DCLK1: variants seen among roughly 807,000 people sequenced by gnomAD.
DCLK1 encodes the protein serine/threonine-protein kinase DCLK1.
In DCLK1, 16 loss-of-function variants were observed where a neutral mutation model predicts 86.2. That is an observed-to-expected ratio of 0.19 (90% CI 0.13 to 0.28). The LOEUF (loss-of-function observed/expected upper bound fraction) is 0.28, where lower values mean the gene tolerates loss of function less well. Ranked by LOEUF, DCLK1 falls within the 10% of genes least tolerant of loss-of-function variation. The pLI, the probability that DCLK1 is intolerant of heterozygous loss-of-function variation, is 1.00. For synonymous variants in DCLK1, 369 were observed against 370.5 expected (o/e 1.00, Z 0.05); for missense variants, 590 against 940.2 (o/e 0.63, Z 4.87).
intron 3 of DCLK1, among the ~76,000 whole-genome samples, chr13:35,953,197 T>C (rs1343189): frequency 0.64 from 97,347 of 152,022 alleles, 31,547 homozygotes; most frequent in Admixed American, 0.68. Context: ...AATAATTTAT[T>C]GGTATTAGTA....
chr13:35,834,997 C>T (rs911351671), intron 8 of DCLK1, among the ~76,000 whole-genome samples: 4 of 152,280 alleles, frequency 2.6e-5, no homozygotes, highest in Admixed American at 6.5e-5. Flanking sequence ...ATGAAGAACC[C>T]TCATGAGATG....
intron 3 of DCLK1, among the ~76,000 whole-genome samples, chr13:36,007,610 T>C (rs1881037991): frequency 6.6e-6 from 1 of 152,178 alleles, no homozygotes; most frequent in Admixed American, 6.5e-5. Context: ...CGGAAGATAT[T>C]CTATATTGTA....
intron 3 of DCLK1, among the ~76,000 whole-genome samples, chr13:36,064,615 C>T (rs1238247348): frequency 8.6e-5 from 13 of 150,536 alleles, no homozygotes; most frequent in South Asian, 2.1e-4. Context: ...GCTGAGATAG[C>T]GCCACTGCAC....
chr13:36,052,613 G>A (rs1052851215), intron 3 of DCLK1, among the ~76,000 whole-genome samples: 4 of 152,086 alleles, frequency 2.6e-5, no homozygotes, highest in African/African-American at 9.7e-5. Context: ...CTCTTAGAAA[G>A]ACAGACTTGT....
At chr13:35,984,094 A>G (rs1182259198) in intron 3 of DCLK1, among the ~76,000 whole-genome samples, 1 of 152,226 alleles carries the variant, frequency 6.6e-6, no homozygotes, top group East Asian at 1.9e-4. Flanking sequence ...TAGGTTGTCA[A>G]TAAGTGCTCA....
chr13:35,987,057 C>T (rs1879952664), intron 3 of DCLK1, among the ~76,000 whole-genome samples: 1 of 152,114 alleles, frequency 6.6e-6, no homozygotes, highest in Non-Finnish European at 1.5e-5. Flanking sequence ...AAATTACCTC[C>T]CCTTCCTGTT....
At position 35,832,571 on chromosome 13, in the gene DCLK1, C is replaced by T. The variant is rs78247613; in HGVS notation, c.1229+3462G>A. Among the ~76,000 whole-genome samples, 241 of 152,250 alleles carry T rather than the reference C, an allele frequency of 1.6e-3. 2 individuals carry two copies. Among genetic ancestry groups the T allele is most frequent in the Middle Eastern group, 3.4e-3 (1 of 292 alleles). ...CAGCATAAGCCTGAACTAGGAGGTG[C>T]TCTGCATATATTGTGGAAACTCCAG... On this transcript the variant is annotated intron_variant, in intron 8 of 16. Transcript: ENST00000360631.
intron 3 of DCLK1, among the ~76,000 whole-genome samples, chr13:35,959,880 TGTGTG>T: frequency 6.6e-6 from 1 of 151,614 alleles, no homozygotes; most frequent in South Asian, 2.1e-4. Flanking sequence ...TGTGTGTGTG[TGTGTG>T]TGTGTGTGCA....
At chr13:35,827,553 G>C in intron 10 of DCLK1, 82 bp downstream of exon 10, 1 of 1,521,788 alleles carries the variant, frequency 6.6e-7, no homozygotes, top group East Asian at 2.3e-5. Context: ...ATACTGATGG[G>C]AGAAAATAAG....
intron 16 of DCLK1, among the ~76,000 whole-genome samples, chr13:35,779,816 G>T (rs1218002482): frequency 6.6e-6 from 1 of 152,078 alleles, no homozygotes; most frequent in Non-Finnish European, 1.5e-5. Context: ...AAATTAACTT[G>T]ACTCTAAAAT....
intron 3 of DCLK1, among the ~76,000 whole-genome samples, chr13:36,082,335 C>CT (rs1357242264): frequency 1.3e-5 from 2 of 152,056 alleles, no homozygotes; most frequent in Non-Finnish European, 2.9e-5. Context: ...CCCTAGCTTA[C>CT]TTTATTATAA....
chr13:36,064,822 G>A (rs1593858569), intron 3 of DCLK1, among the ~76,000 whole-genome samples: 1 of 151,394 alleles, frequency 6.6e-6, no homozygotes, highest in Admixed American at 6.6e-5. Context: ...CTATAATAAG[G>A]GTACCTATCT....
At chr13:35,970,231 T>C (rs1879000765) in intron 3 of DCLK1, among the ~76,000 whole-genome samples, 1 of 152,184 alleles carries the variant, frequency 6.6e-6, no homozygotes, top group Admixed American at 6.5e-5. Flanking sequence ...CATTCGTGGC[T>C]CCATCCAGAA....
chr13:36,102,163 A>T (rs1885241368), intron 3 of DCLK1, among the ~76,000 whole-genome samples: 1 of 150,480 alleles, frequency 6.6e-6, no homozygotes, highest in Non-Finnish European at 1.5e-5. Context: ...CTGAAAAGGC[A>T]TCAGAAGGAA....
intron 2 of DCLK1, 44 bp downstream of exon 2, chr13:36,125,718 C>A (rs1471189311): frequency 6.4e-7 from 1 of 1,570,442 alleles, no homozygotes; most frequent in Non-Finnish European, 8.6e-7. Context: ...AAATCTGAGC[C>A]TGGAACCTGT....
chr13:35,897,475 T>C (rs1201318020), intron 4 of DCLK1, among the ~76,000 whole-genome samples: 1 of 152,034 alleles, frequency 6.6e-6, no homozygotes, highest in Non-Finnish European at 1.5e-5. Context: ...AGCCAAGGGG[T>C]GAAGAAACCA....
At chr13:35,938,987 C>T (rs1458955137) in intron 4 of DCLK1, among the ~76,000 whole-genome samples, 1 of 152,160 alleles carries the variant, frequency 6.6e-6, no homozygotes, top group Non-Finnish European at 1.5e-5. Context: ...AAGGAACTAG[C>T]TGGAGCTTGA....
At chr13:35,885,973 A>G (rs1397027107) in intron 4 of DCLK1, among the ~76,000 whole-genome samples, 2 of 151,446 alleles carry the variant, frequency 1.3e-5, no homozygotes, top group African/African-American at 2.4e-5. Context: ...CTTAGACAGC[A>G]GGGAAAGCTG....
intron 4 of DCLK1, among the ~76,000 whole-genome samples, chr13:35,886,713 G>T (rs1245579124): frequency 1.3e-5 from 2 of 152,186 alleles, no homozygotes; most frequent in Non-Finnish European, 2.9e-5. Context: ...TCATAACTCA[G>T]TACATGAACC....
Sources: gnomAD v4.1 joint callset for allele counts (sites outside exome capture counted in the v4.1 genomes callset) on GRCh38, gnomAD v4.1.1 for gene constraint, MANE v1.5 for transcripts, NCBI Gene and HGNC (gene_info 2026-07-23, HGNC 2026-07-21) for gene names.